ARHGAP26: variants seen among roughly 807,000 people sequenced by gnomAD.
ARHGAP26 encodes rho GTPase-activating protein 26.
A neutral mutation model predicts 104.8 loss-of-function variants in ARHGAP26; 38 were observed. That is an observed-to-expected ratio of 0.36 (90% CI 0.28 to 0.48). The LOEUF is 0.48. ARHGAP26 is among the 20% of genes least tolerant of loss of function. The pLI, the probability that ARHGAP26 is intolerant of heterozygous loss-of-function variation, is 0.99. For missense variants in ARHGAP26, 704 were observed against 947.9 expected (o/e 0.74, Z 3.38); for synonymous variants, 341 against 340.0 (o/e 1.00, Z -0.03).
At chr5:143,206,265 G>C (rs1194859350) in intron 20 of ARHGAP26, among the ~76,000 whole-genome samples, 2 of 152,228 alleles carry the variant, frequency 1.3e-5, no homozygotes, top group Non-Finnish European at 2.9e-5. Context: ...TGGTGTGGCT[G>C]AACTGGTTTC....
At chr5:143,032,175 A>C (rs1781973869) in intron 12 of ARHGAP26, among the ~76,000 whole-genome samples, 1 of 152,172 alleles carries the variant, frequency 6.6e-6, no homozygotes. Context: ...CACATTTCTA[A>C]CCTGGGAGGC....
chr5:142,784,497 C>G (rs1018858846), intron 1 of ARHGAP26, among the ~76,000 whole-genome samples: 1 of 152,176 alleles, frequency 6.6e-6, no homozygotes, highest in African/African-American at 2.4e-5. Flanking sequence ...CCTAAGGAGT[C>G]TAATCCTTAC....
At chr5:142,838,317 T>C (rs1397702246) in intron 1 of ARHGAP26, among the ~76,000 whole-genome samples, 2 of 152,186 alleles carry the variant, frequency 1.3e-5, no homozygotes, top group African/African-American at 4.8e-5. Flanking sequence ...AATGTTTGTA[T>C]GGTACCTTAA....
At chr5:142,903,500 CT>C in intron 7 of ARHGAP26, 39 bp from the exon 8 acceptor site, 1 of 1,600,622 alleles carries the variant, frequency 6.2e-7, no homozygotes, top group Non-Finnish European at 8.5e-7. Flanking sequence ...AAAACAGATA[CT>C]TTGTTTCTTT....
chr5:143,096,773 A>G (rs535997236), intron 17 of ARHGAP26, among the ~76,000 whole-genome samples: 37 of 152,242 alleles, frequency 2.4e-4, no homozygotes, highest in African/African-American at 7.9e-4. Flanking sequence ...ATTCATGCGA[A>G]GCATCACAGT....
intron 1 of ARHGAP26, among the ~76,000 whole-genome samples, chr5:142,838,827 A>G (rs1039073071): frequency 6.6e-6 from 1 of 152,202 alleles, no homozygotes; most frequent in Non-Finnish European, 1.5e-5. Flanking sequence ...AAGGAAACAG[A>G]CTCAGAAAAG....
chr5:142,888,136 C>T (rs980053711), intron 5 of ARHGAP26, among the ~76,000 whole-genome samples: 3 of 152,186 alleles, frequency 2.0e-5, no homozygotes, highest in African/African-American at 7.2e-5. Flanking sequence ...CTTCTGGAAT[C>T]CTCACCCTAA....
chr5:142,880,918 TTAGAG>T (rs1378275244), intron 4 of ARHGAP26, among the ~76,000 whole-genome samples: 5 of 152,214 alleles, frequency 3.3e-5, no homozygotes, highest in Non-Finnish European at 7.3e-5. Context: ...TCTCCCAGTT[TTAGAG>T]TATTTTCTAC....
At chr5:143,118,801 AG>A (rs896450270) in intron 17 of ARHGAP26, among the ~76,000 whole-genome samples, 12 of 144,588 alleles carry the variant, frequency 8.3e-5, no homozygotes, top group African/African-American at 3.0e-4. Flanking sequence ...GGGTGGGGAG[AG>A]GGGGGAGGGA....
chr5:143,189,577 A>G (rs1044730578), intron 20 of ARHGAP26, among the ~76,000 whole-genome samples: 3 of 147,442 alleles, frequency 2.0e-5, no homozygotes, highest in East Asian at 2.0e-4. Context: ...AATTTTTTCC[A>G]TTAGGATAAT....
chr5:143,017,099 TTCCAAATGTCTAGAG>T (rs1390161741), intron 12 of ARHGAP26, among the ~76,000 whole-genome samples: 4 of 152,210 alleles, frequency 2.6e-5, no homozygotes, highest in Non-Finnish European at 5.9e-5. Context: ...CTTAACCAGA[TTCCAAATGTCTAGAG>T]TCCAAATTCC....
At chr5:143,007,747 A>G (rs1778192167) in intron 11 of ARHGAP26, among the ~76,000 whole-genome samples, 1 of 152,234 alleles carries the variant, frequency 6.6e-6, no homozygotes, top group Admixed American at 6.5e-5. Context: ...TCATTCGTTT[A>G]AACGCTTAGT....
intron 1 of ARHGAP26, among the ~76,000 whole-genome samples, chr5:142,815,304 G>A (rs1323650043): frequency 6.6e-6 from 1 of 152,202 alleles, no homozygotes; most frequent in Admixed American, 6.5e-5. Context: ...GCCTTCCAAA[G>A]TGCTGGGATT....
intron 20 of ARHGAP26, among the ~76,000 whole-genome samples, chr5:143,181,761 T>A (rs1423106478): frequency 6.6e-6 from 1 of 152,244 alleles, no homozygotes; most frequent in African/African-American, 2.4e-5. Context: ...TTTGAGATGT[T>A]AAGGACTTTT....
At chr5:143,042,249 G>A (rs1783577925) in intron 14 of ARHGAP26, among the ~76,000 whole-genome samples, 1 of 152,056 alleles carries the variant, frequency 6.6e-6, no homozygotes, top group South Asian at 2.1e-4. Context: ...GTATTTAGTG[G>A]GACACACCCA....
intron 1 of ARHGAP26, among the ~76,000 whole-genome samples, chr5:142,843,430 G>T (rs1387569476): frequency 6.6e-6 from 1 of 152,238 alleles, no homozygotes; most frequent in Non-Finnish European, 1.5e-5. Flanking sequence ...AAGGCATGCT[G>T]TTTCACTAGA....
intron 17 of ARHGAP26, among the ~76,000 whole-genome samples, chr5:143,068,257 C>T (rs1273054441): frequency 1.3e-5 from 2 of 152,176 alleles, no homozygotes; most frequent in African/African-American, 4.8e-5. Context: ...CATCAGACAT[C>T]GCAAAGCAAC....
chr5:143,112,179 A>G (rs1305884635), intron 17 of ARHGAP26, among the ~76,000 whole-genome samples: 1 of 152,222 alleles, frequency 6.6e-6, no homozygotes, highest in East Asian at 1.9e-4. Context: ...AAGAGAATTG[A>G]AGAATTAGAA....
chr5:143,112,637 C>A (rs1011656105), intron 17 of ARHGAP26, among the ~76,000 whole-genome samples: 3 of 152,142 alleles, frequency 2.0e-5, no homozygotes, highest in African/African-American at 7.2e-5. Context: ...TGGCCCCTGG[C>A]AACCATCTTT....
Sources: allele counts gnomAD v4.1 joint callset (sites outside exome capture counted in the v4.1 genomes callset), GRCh38; gene constraint gnomAD v4.1.1; transcripts MANE v1.5; gene names NCBI Gene and HGNC (gene_info 2026-07-23, HGNC 2026-07-21).